The following NPFFR2 variants were observed in gnomAD, a reference collection of about 807,000 sequenced individuals.
NPFFR2 encodes the protein neuropeptide FF receptor 2, also known as G-protein coupled receptor 74.
NPFFR2 carries 15 observed loss-of-function variants against 13.1 expected under a neutral mutation model. The ratio of observed to expected loss-of-function variants is 1.15; its 90% CI spans 0.77 to 1.76. The LOEUF is 1.76. NPFFR2 is among the 40% of genes most tolerant of loss of function. NPFFR2 has a pLI of 0.00. For synonymous variants in NPFFR2, 190 were observed against 175.7 expected, an observed-to-expected ratio of 1.08 and a Z score of -0.65; for missense variants, 572 against 503.5, an observed-to-expected ratio of 1.14 and a Z score of -1.30.
intron 1 of NPFFR2, among the ~76,000 whole-genome samples, chr4:72,074,434 T>A (rs1720366496): frequency 6.6e-6 from 1 of 152,096 alleles, no homozygotes; most frequent in South Asian, 2.1e-4. Context: ...TTACAGTAGA[T>A]AGCTATAATT....
intron 1 of NPFFR2, among the ~76,000 whole-genome samples, chr4:72,045,591 A>G (rs1009960270): frequency 1.1e-4 from 17 of 152,230 alleles, no homozygotes; most frequent in Non-Finnish European, 1.9e-4. Context: ...CATTTAGTAC[A>G]TCTAACCTTC....
In NPFFR2 at chr4:72,147,592, T is replaced by A; in HGVS notation, c.1043T>A (p.Phe348Tyr). 6.2e-7 allele frequency: 1 copy of A among 1,614,194 alleles called. No homozygotes were observed. Among genetic ancestry groups the A allele is most frequent in the Non-Finnish European group, 8.5e-7 (1 of 1,180,026 alleles). Residue 348 changes from phenylalanine (F) to tyrosine (Y), a missense_variant, in exon 4 of 4, where the codon TTC (phenylalanine) becomes TAC (tyrosine). Phe to Tyr is a conservative substitution (Grantham distance 22). Coordinates refer to ENST00000308744, the MANE Select transcript of NPFFR2 (RefSeq NM_004885.3). The stretch of plus-strand genomic sequence containing the variant: ...TTCCGCCGTGGTTTCCAAGAAGCTT[T>A]CCAGCTCCAGCTCTGCCAAAAAAGA... The part of the protein sequence containing the change: ...ENFRRGFQEA[F>Y]QLQLCQKRAK...
In NPFFR2 at chr4:72,049,797, T is replaced by C. The variant is rs538106753; in HGVS notation, c.-8+17597T>C. On this transcript the variant is annotated intron_variant, in intron 1 of 3. Coordinates refer to ENST00000308744, the MANE Select transcript of NPFFR2 (RefSeq NM_004885.3). Reference sequence around the variant, plus strand: ...CTCCTGAAACTCTTGTAAGTGCTAGTGATAAGAGCTATAGGAGCACCTTTT... The same window carrying C: ...CTCCTGAAACTCTTGTAAGTGCTAGCGATAAGAGCTATAGGAGCACCTTTT... Among the ~76,000 whole-genome samples, 13 of 151,554 alleles carry C rather than the reference T, an allele frequency of 8.6e-5. 1 individual carries two copies. The East Asian group carries it at 2.1e-3, about 25-fold the overall frequency.
At chr4:72,083,186 ATTTCC>A (rs1334063147) in intron 1 of NPFFR2, among the ~76,000 whole-genome samples, 4 of 152,140 alleles carry the variant, frequency 2.6e-5, no homozygotes, top group Non-Finnish European at 5.9e-5. Context: ...TACTGATTTA[ATTTCC>A]TTTGACTCTA....
In NPFFR2 at chr4:72,136,162, C is replaced by A. The variant is rs542794808; in HGVS notation, c.329-1878C>A. On this transcript the variant is annotated intron_variant, in intron 2 of 3. Transcript: ENST00000308744. ...CTTGAGCCTAGGAGTTCAAAACCAG[C>A]CTAGGCAACATAATGAGACCCCATC... 3.8e-3 allele frequency among the ~76,000 whole-genome samples: 573 copies of A among 152,128 alleles called. 2 individuals are homozygous for A. Among genetic ancestry groups the A allele is most frequent in the South Asian group, 6.4e-3 (31 of 4,814 alleles).
chr4:72,049,830 T>C (rs1459271033), intron 1 of NPFFR2, among the ~76,000 whole-genome samples: 1 of 152,066 alleles, frequency 6.6e-6, no homozygotes, highest in African/African-American at 2.4e-5. Flanking sequence ...TTTATTATAA[T>C]GTAATTGGTT....
chr4:72,044,223 A>G (rs1719315428), intron 1 of NPFFR2, among the ~76,000 whole-genome samples: 1 of 152,162 alleles, frequency 6.6e-6, no homozygotes, highest in African/African-American at 2.4e-5. Flanking sequence ...TTTCCTTTAT[A>G]AATTACCCAG....
chr4:72,038,901 C>CTTTTTTTTTTTTTTT lies in NPFFR2; in HGVS notation c.-8+6704_-8+6705insTTTTTTTTTTTTTTT, dbSNP rs34623356. Among the ~76,000 whole-genome samples the CTTTTTTTTTTTTTTT allele has an allele frequency of 2.5e-4, 22 of 86,974 alleles. 7 individuals carry two copies. Among genetic ancestry groups the CTTTTTTTTTTTTTTT allele is most frequent in the South Asian group, 4.7e-4 (1 of 2,108 alleles). The allele number at this position is 86,974 out of a possible 152,430, so 57.1% of individuals were successfully genotyped here. A position where few individuals can be genotyped will look rare whatever the true frequency, so the allele number is the denominator to read the frequency against. On this transcript the variant is annotated intron_variant, in intron 1 of 3. Transcript: ENST00000308744. ...TTTTAATTCTTGATTTTTAAATTTC[C>CTTTTTTTTTTTTTTT]TTTCTTTTTTTTTTTTTTTTTTTTT... is the stretch of plus-strand genomic sequence containing the variant.
rs542265236 is a variant in NPFFR2 at position 72,042,705 on chromosome 4, A to G, written c.-8+10505A>G. On this transcript the variant is annotated intron_variant, in intron 1 of 3. Transcript: ENST00000308744. ...TGCCCCTTTCCTAGAGATCTGTGGA[A>G]CACTCAACTTGAGAGAGATGATTTA... Among the ~76,000 whole-genome samples the G allele has an allele frequency of 2.0e-5, 3 of 152,342 alleles. No homozygotes were observed. In the South Asian group the frequency reaches 6.2e-4, roughly 32 times the overall value.
chr4:72,120,353 C>T (rs911796975), intron 1 of NPFFR2, among the ~76,000 whole-genome samples: 3 of 152,170 alleles, frequency 2.0e-5, no homozygotes, highest in Admixed American at 6.5e-5. Context: ...ACATTCCTGC[C>T]TGCTGGCTCT....
chr4:72,126,469 G>C (rs547927497), intron 1 of NPFFR2, among the ~76,000 whole-genome samples: 33 of 152,306 alleles, frequency 2.2e-4, no homozygotes, highest in African/African-American at 7.9e-4. Context: ...TAACAAGCAG[G>C]CCTGAGGCTG....
At chr4:72,101,596 A>G (rs1026513726) in intron 1 of NPFFR2, among the ~76,000 whole-genome samples, 6 of 152,020 alleles carry the variant, frequency 3.9e-5, no homozygotes, top group African/African-American at 1.4e-4. Flanking sequence ...ATTTTACACT[A>G]TATTAGTTGA....
intron 1 of NPFFR2, among the ~76,000 whole-genome samples, chr4:72,079,957 C>A (rs969426697): frequency 1.3e-5 from 2 of 152,064 alleles, no homozygotes; most frequent in Non-Finnish European, 1.5e-5. Flanking sequence ...AACCAACTTC[C>A]CCTCTTCCCT....
intron 1 of NPFFR2, among the ~76,000 whole-genome samples, chr4:72,056,301 G>A (rs1341489220): frequency 6.6e-6 from 1 of 151,906 alleles, no homozygotes; most frequent in Non-Finnish European, 1.5e-5. Flanking sequence ...CTCTGTCCAT[G>A]CTCTATAAAT....
At chr4:72,067,336 C>G (rs1720104307) in intron 1 of NPFFR2, among the ~76,000 whole-genome samples, 1 of 152,144 alleles carries the variant, frequency 6.6e-6, no homozygotes, top group African/African-American at 2.4e-5. Flanking sequence ...CCTGAGGCCC[C>G]ACAGCCACCC....
At chr4:72,137,007 A>G (rs192748426) in intron 2 of NPFFR2, among the ~76,000 whole-genome samples, 2 of 152,314 alleles carry the variant, frequency 1.3e-5, no homozygotes, top group East Asian at 1.9e-4. Context: ...ATTTTCAACC[A>G]ACGGCTAGAC....
At chr4:72,141,335 C>A (rs1478365949) in intron 3 of NPFFR2, among the ~76,000 whole-genome samples, 1 of 152,112 alleles carries the variant, frequency 6.6e-6, no homozygotes, top group Non-Finnish European at 1.5e-5. Flanking sequence ...TCCTCTAGTT[C>A]TTTTAATTGT....
intron 1 of NPFFR2, among the ~76,000 whole-genome samples, chr4:72,034,696 T>C (rs1718999937): frequency 6.6e-6 from 1 of 152,278 alleles, no homozygotes. Context: ...TTTTCCTCTC[T>C]GTTTCCCTTT....
intron 2 of NPFFR2, among the ~76,000 whole-genome samples, chr4:72,135,728 C>T (rs35771218): frequency 0.27 from 40,141 of 151,474 alleles, 5,915 homozygotes; most frequent in Middle Eastern, 0.39. Flanking sequence ...TATTTTTCTT[C>T]CTATGTGTGT....
Sources: allele counts gnomAD v4.1 joint callset (sites outside exome capture counted in the v4.1 genomes callset), GRCh38; gene constraint gnomAD v4.1.1; transcripts MANE v1.5; gene names NCBI Gene and HGNC (gene_info 2026-07-23, HGNC 2026-07-21).